Variants in ABCB1 observed in about 807,000 individuals in gnomAD.
ABCB1 encodes the protein ATP binding cassette subfamily B member 1.
In ABCB1, 69 loss-of-function variants were observed where a neutral mutation model predicts 142.0. The ratio of observed to expected loss-of-function variants is 0.49; its 90% CI spans 0.40 to 0.59. ABCB1 has a LOEUF of 0.59. Ranked by LOEUF, ABCB1 falls within the 20% of genes least tolerant of loss-of-function variation. The pLI is 0.00. For synonymous variants in ABCB1, 532 were observed against 539.2 expected, an observed-to-expected ratio of 0.99 and a Z score of 0.18; for missense variants, 1,326 against 1,554.7, an observed-to-expected ratio of 0.85 and a Z score of 2.47.
intron 1 of ABCB1, among the ~76,000 whole-genome samples, chr7:87,633,657 T>C (rs964088216): frequency 2.0e-5 from 3 of 152,266 alleles, no homozygotes; most frequent in Non-Finnish European, 4.4e-5. Flanking sequence ...ACTAAACTTA[T>C]CAGGTGTTTA....
At chr7:87,661,031 C>A (rs1824651706) in intron 1 of ABCB1, among the ~76,000 whole-genome samples, 1 of 151,694 alleles carries the variant, frequency 6.6e-6, no homozygotes, top group African/African-American at 2.4e-5. Flanking sequence ...TGTTGATTAT[C>A]TTTTTTCAAA....
At chr7:87,665,647 G>A (rs1336915158) in intron 1 of ABCB1, among the ~76,000 whole-genome samples, 2 of 152,192 alleles carry the variant, frequency 1.3e-5, no homozygotes, top group East Asian at 1.9e-4. Context: ...CCCAGGTAAT[G>A]AGCATAGTAC....
Position 87,550,302 on chromosome 7 carries a change from A to G in ABCB1, c.1225-6T>C. 1 of 1,614,196 alleles carries G rather than the reference A, an allele frequency of 6.2e-7. No homozygotes were observed. Among genetic ancestry groups the G allele is most frequent in the South Asian group, 1.1e-5 (1 of 91,088 alleles). Reference sequence around the variant, plus strand: ...AGGTTCAGACCCTTCAAGATCTACCAGGACGAGTGAGAAAAAAACTTCAAG... The same window carrying G: ...AGGTTCAGACCCTTCAAGATCTACCGGGACGAGTGAGAAAAAAACTTCAAG... On this transcript the variant is annotated splice_polypyrimidine_tract_variant and splice_region_variant and intron_variant, in intron 11 of 27. Transcript: ENST00000622132.
chr7:87,570,111 C>A, intron 5 of ABCB1, 61 bp downstream of exon 5: 1 of 1,479,050 alleles, frequency 6.8e-7, no homozygotes, highest in South Asian at 1.1e-5. Context: ...AAGTTTTAAA[C>A]ATTTCTACAA....
intron 24 of ABCB1, among the ~76,000 whole-genome samples, chr7:87,516,118 C>T (rs904525741): frequency 5.3e-5 from 8 of 152,062 alleles, no homozygotes; most frequent in Non-Finnish European, 1.0e-4. Flanking sequence ...TGATGGCACA[C>T]GCTTGTAGTC....
intron 1 of ABCB1, among the ~76,000 whole-genome samples, chr7:87,642,465 G>T (rs1822552990): frequency 6.6e-6 from 1 of 152,044 alleles, no homozygotes; most frequent in Non-Finnish European, 1.5e-5. Context: ...AGGGATATGT[G>T]ATCCAAGTAT....
chr7:87,610,165 T>C (rs929734886), intron 1 of ABCB1, among the ~76,000 whole-genome samples: 8 of 152,068 alleles, frequency 5.3e-5, no homozygotes, highest in African/African-American at 1.7e-4. Flanking sequence ...GACCTTGTAG[T>C]TGTGTTTCTT....
At chr7:87,529,955 G>A (rs1039196339) in intron 21 of ABCB1, among the ~76,000 whole-genome samples, 2 of 152,196 alleles carry the variant, frequency 1.3e-5, no homozygotes, top group South Asian at 2.1e-4. Context: ...AGGATGCCTC[G>A]CATGAGGTTT....
At chr7:87,634,289 C>G (rs1821521183) in intron 1 of ABCB1, among the ~76,000 whole-genome samples, 1 of 152,076 alleles carries the variant, frequency 6.6e-6, no homozygotes, top group Non-Finnish European at 1.5e-5. Flanking sequence ...TGGGGGCAGA[C>G]CAACCATATA....
At chr7:87,581,743 A>ATG (rs1232543314) in intron 4 of ABCB1, among the ~76,000 whole-genome samples, 2 of 152,198 alleles carry the variant, frequency 1.3e-5, no homozygotes, top group Non-Finnish European at 2.9e-5. Context: ...ATTAGATCCT[A>ATG]TGTTTATTGT....
intron 26 of ABCB1, 89 bp downstream of exon 26, chr7:87,509,186 C>T: frequency 1.5e-6 from 2 of 1,376,884 alleles, no homozygotes; most frequent in South Asian, 1.2e-5. Flanking sequence ...TTTCTCTTCA[C>T]TTCTGGGAGA....
intron 1 of ABCB1, among the ~76,000 whole-genome samples, chr7:87,652,074 T>G (rs1161125990): frequency 2.0e-5 from 3 of 151,814 alleles, no homozygotes; most frequent in Non-Finnish European, 4.4e-5. Flanking sequence ...TATTAGATAC[T>G]ATATTGTGTG....
At chr7:87,585,806 C>G (rs1375638055) in intron 3 of ABCB1, 126 bp from the exon 4 acceptor site, 1 of 889,974 alleles carries the variant, frequency 1.1e-6, no homozygotes, top group African/African-American at 1.7e-5. Flanking sequence ...CAACCTAGTC[C>G]AAGACACCCT....
chr7:87,665,419 G>A lies in ABCB1; in HGVS notation c.-331+47742C>T, dbSNP rs577411243. 2.7e-4 allele frequency among the ~76,000 whole-genome samples: 41 copies of A among 152,148 alleles called. No homozygotes were observed. The South Asian group carries it at 8.5e-3, about 32-fold the overall frequency. On this transcript the variant is annotated intron_variant, in intron 1 of 28. Transcript: ENST00000265724. Reference sequence around the variant, plus strand: ...TGTACACTGAAAGTTACTAAACATTGATTAAATAAATTGTAGAAGACACAA... The same window carrying A: ...TGTACACTGAAAGTTACTAAACATTAATTAAATAAATTGTAGAAGACACAA...
intron 3 of ABCB1, among the ~76,000 whole-genome samples, chr7:87,589,789 AAGAG>A (rs879332086): frequency 6.5e-5 from 9 of 137,634 alleles, no homozygotes; most frequent in Non-Finnish European, 1.1e-4. Flanking sequence ...TAAAAAAAGA[AAGAG>A]AGAGAGAGAG....
chr7:87,623,527 A>G (rs1387778454), intron 1 of ABCB1, among the ~76,000 whole-genome samples: 1 of 152,176 alleles, frequency 6.6e-6, no homozygotes, highest in African/African-American at 2.4e-5. Flanking sequence ...TTCCTGGCCC[A>G]TGACCCTGTC....
chr7:87,538,136 TG>T (rs904029812), intron 19 of ABCB1, among the ~76,000 whole-genome samples: 1 of 152,210 alleles, frequency 6.6e-6, no homozygotes, highest in Non-Finnish European at 1.5e-5. Context: ...TAACAATTTA[TG>T]GAGGAGACAT....
chr7:87,549,965 A>T lies in ABCB1; in HGVS notation c.1440T>A (p.Phe480Leu). 5 of 1,614,248 alleles carry T rather than the reference A, an allele frequency of 3.1e-6. No individual in the cohort carries two copies. The highest frequency in any genetic ancestry group is 4.2e-6 in the Non-Finnish European group (5 of 1,180,036). ...GAATGTTTTCAGCTATCGTGGTGGC[A>T]AACAATACAGGTTCCTGACTCACCA... Reference protein sequence around the residue: ...IGVVSQEPVLFATTIAENIRY... With the variant: ...IGVVSQEPVLLATTIAENIRY... The change falls in exon 13 of 28, where the codon TTT (phenylalanine) becomes TTA (leucine). Residue 480 changes from phenylalanine to leucine, a missense_variant. Physicochemically the swap from Phe to Leu is conservative, Grantham distance 22. Coordinates refer to ENST00000622132, the MANE Select transcript of ABCB1 (RefSeq NM_001348946.2).
At chr7:87,710,396 A>G (rs931528752) in intron 1 of ABCB1, among the ~76,000 whole-genome samples, 1 of 152,190 alleles carries the variant, frequency 6.6e-6, no homozygotes, top group African/African-American at 2.4e-5. Flanking sequence ...AACAAAATAT[A>G]TACTCTAGAT....
Sources: allele counts gnomAD v4.1 joint callset (sites outside exome capture counted in the v4.1 genomes callset), GRCh38; gene constraint gnomAD v4.1.1; transcripts MANE v1.5; gene names NCBI Gene and HGNC (gene_info 2026-07-23, HGNC 2026-07-21).